Variants in RASGEF1A observed in about 807,000 individuals in gnomAD.
RASGEF1A encodes the protein RasGEF domain family member 1A.
RASGEF1A carries 18 observed loss-of-function variants against 56.4 expected under a neutral mutation model. That is an observed-to-expected ratio of 0.32 (90% CI 0.22 to 0.47). The LOEUF is 0.47. RASGEF1A is among the 20% of genes least tolerant of loss of function. The pLI is 1.00. For missense variants in RASGEF1A, 422 were observed against 627.1 expected (o/e 0.67, Z 3.49); for synonymous variants, 245 against 242.6 (o/e 1.01, Z -0.09).
At chr10:43,203,230 A>C in intron 3 of RASGEF1A, 68 bp downstream of exon 3, 3 of 1,191,942 alleles carry the variant, frequency 2.5e-6, no homozygotes, top group South Asian at 1.4e-5. Context: ...CCATGCCTCC[A>C]GCCCCTAGCC....
chr10:43,200,755 T>G lies in RASGEF1A; in HGVS notation c.593A>C (p.Lys198Thr). ...CTTCTGGGCGGCTGGTGGCTTGGTCTTGAGGATGGGCCCCTTGTCTACAGC... is the reference window on the plus strand; with the variant it reads ...CTTCTGGGCGGCTGGTGGCTTGGTCGTGAGGATGGGCCCCTTGTCTACAGC... ...PPAVDKGPIL[K>T]TKPPAAQKDI... Residue 198 changes from lysine (K) to threonine (T), a missense_variant, in exon 5 of 13, where the codon AAG (lysine) becomes ACG (threonine). Lys to Thr is a moderately conservative substitution (Grantham distance 78). Around this residue, in one of 2 missense-constraint regions of RASGEF1A, gnomAD observed 273 missense variants for 339.9 expected, o/e 0.80. Coordinates refer to ENST00000395810, the MANE Select transcript of RASGEF1A (RefSeq NM_145313.4). 6.2e-7 allele frequency: 1 copy of G among 1,613,924 alleles called. No individual in the cohort carries two copies. Among genetic ancestry groups the G allele is most frequent in the Non-Finnish European group, 8.5e-7 (1 of 1,180,024 alleles).
At chr10:43,230,393 C>A (rs1357804808) in intron 1 of RASGEF1A, among the ~76,000 whole-genome samples, 1 of 152,214 alleles carries the variant, frequency 6.6e-6, no homozygotes, top group Non-Finnish European at 1.5e-5. Flanking sequence ...CCCCCAGAGC[C>A]CCAGCCTCAG....
At chr10:43,261,250 C>T (rs1836522857) in intron 1 of RASGEF1A, among the ~76,000 whole-genome samples, 2 of 152,248 alleles carry the variant, frequency 1.3e-5, no homozygotes, top group Non-Finnish European at 2.9e-5. Context: ...TTGATCTGGC[C>T]CAGGTACCTG....
intron 1 of RASGEF1A, among the ~76,000 whole-genome samples, chr10:43,243,494 G>C (rs1231092066): frequency 6.7e-6 from 1 of 148,690 alleles, no homozygotes; most frequent in Non-Finnish European, 1.5e-5. Flanking sequence ...CACCCCATCT[G>C]GGAAGTGAGG....
chr10:43,195,938 T>C lies in RASGEF1A; in HGVS notation c.*306A>G, dbSNP rs973753375. 1 of 219,104 alleles carries C rather than the reference T, an allele frequency of 4.6e-6. No homozygotes were observed. The highest frequency in any genetic ancestry group is 5.7e-5 in the Admixed American group (1 of 17,586). 13.6% of individuals were successfully genotyped at this position (219,104 alleles called of 1,614,324 possible). On this transcript the variant is annotated 3_prime_UTR_variant, in exon 13 of 13. Transcript: ENST00000395810. The surrounding 1 kb of genome is among the most constrained non-coding windows in gnomAD (Gnocchi z 4.2). ...AAATATTTTTTTCATAAGATGTTAA[T>C]AATCAAAAGTAGAAAATAAAAATCT...
intron 1 of RASGEF1A, among the ~76,000 whole-genome samples, chr10:43,237,444 T>TCCCCCCCCCCCCCCCCCCCCC (rs1840444945): frequency 6.3e-5 from 1 of 15,880 alleles, no homozygotes; most frequent in African/African-American, 2.2e-4. Context: ...CTCCCCCTCC[T>TCCCCCCCCCCCCCCCCCCCCC]CCCCTCCCCT....
At chr10:43,197,154 C>T (rs146128600) in intron 10 of RASGEF1A, 55 bp from the exon 11 acceptor site, 11 of 1,594,692 alleles carry the variant, frequency 6.9e-6, no homozygotes, top group African/African-American at 2.7e-5. Flanking sequence ...ACCAAACCCT[C>T]GGTCAGGGCA....
intron 1 of RASGEF1A, among the ~76,000 whole-genome samples, chr10:43,221,447 C>G (rs1180036802): frequency 6.6e-6 from 1 of 152,212 alleles, no homozygotes; most frequent in Non-Finnish European, 1.5e-5. Flanking sequence ...GATGAAGGAA[C>G]AGAGGCCCAA....
chr10:43,215,634 T>A (rs1369426890), intron 1 of RASGEF1A, among the ~76,000 whole-genome samples: 1 of 152,136 alleles, frequency 6.6e-6, no homozygotes, highest in Admixed American at 6.5e-5. Context: ...GAGGTGGGTG[T>A]TCCCGGAGCC....
intron 1 of RASGEF1A, among the ~76,000 whole-genome samples, chr10:43,242,653 C>A (rs1840515851): frequency 6.6e-6 from 1 of 152,200 alleles, no homozygotes; most frequent in Non-Finnish European, 1.5e-5. Context: ...CTGCCTCGGC[C>A]TGCCAAGTGC....
At chr10:43,199,526 G>T in intron 7 of RASGEF1A, 150 bp downstream of exon 7, 2 of 677,380 alleles carry the variant, frequency 3.0e-6, no homozygotes, top group Non-Finnish European at 5.3e-6. Context: ...CTGTATGTCG[G>T]GGTTGGGGGA....
intron 3 of RASGEF1A, among the ~76,000 whole-genome samples, chr10:43,202,438 G>C (rs912755593): frequency 6.6e-6 from 1 of 152,128 alleles, no homozygotes; most frequent in Non-Finnish European, 1.5e-5. Context: ...CATGGGGACT[G>C]GCCCTCTTGG....
intron 4 of RASGEF1A, 23 bp downstream of exon 4, chr10:43,201,785 G>C: frequency 6.4e-7 from 1 of 1,552,924 alleles, no homozygotes; most frequent in Non-Finnish European, 8.8e-7. Context: ...AAAGACCCTG[G>C]CCAGAGCCCA....
intron 1 of RASGEF1A, among the ~76,000 whole-genome samples, chr10:43,255,449 A>G (rs1483805600): frequency 6.6e-6 from 1 of 152,140 alleles, no homozygotes; most frequent in African/African-American, 2.4e-5. Context: ...GGCTGGGGAC[A>G]GCTGCCCCCA....
intron 1 of RASGEF1A, among the ~76,000 whole-genome samples, chr10:43,218,821 C>T (rs61845677): frequency 9.9e-5 from 15 of 152,256 alleles, no homozygotes; most frequent in Non-Finnish European, 1.8e-4. Flanking sequence ...GCCACAGGCG[C>T]GACGCGGATA....
Position 43,196,167 on chromosome 10 carries a change from C to A in RASGEF1A, c.*77G>T. On this transcript the variant is annotated 3_prime_UTR_variant, in exon 13 of 13. Coordinates refer to ENST00000395810, the MANE Select transcript of RASGEF1A (RefSeq NM_145313.4). This position sits in a 1 kb window ranked among gnomAD's most constrained non-coding sequence, Gnocchi z 4.6. ...TGGACCCCAACCAGTGAGGCCTCCT[C>A]ATCTCAACCCACATCAGTCAAAATT... 7.1e-7 allele frequency: 1 copy of A among 1,415,944 alleles called. No individual in the cohort carries two copies. The highest frequency in any genetic ancestry group is 1.2e-5 in the South Asian group (1 of 81,150). 87.7% of individuals were successfully genotyped at this position (1,415,944 alleles called of 1,614,324 possible).
intron 1 of RASGEF1A, among the ~76,000 whole-genome samples, chr10:43,251,590 G>A (rs560583532): frequency 1.1e-3 from 171 of 152,294 alleles, no homozygotes; most frequent in Admixed American, 3.3e-3. Flanking sequence ...TCAGCCCAGA[G>A]CCCACAGCCC....
intron 1 of RASGEF1A, among the ~76,000 whole-genome samples, chr10:43,225,387 G>C (rs954005142): frequency 6.6e-6 from 1 of 150,602 alleles, no homozygotes; most frequent in African/African-American, 2.5e-5. Flanking sequence ...CTCTGCATGT[G>C]TCTGTGTCTG....
At chr10:43,207,370 C>T in intron 1 of RASGEF1A, 2 of 987,232 alleles carry the variant, frequency 2.0e-6, no homozygotes, top group Non-Finnish European at 2.4e-6. Flanking sequence ...GAGCGGACCA[C>T]CTGCCCACAC....
Sources: allele counts gnomAD v4.1 joint callset (sites outside exome capture counted in the v4.1 genomes callset), GRCh38; gene constraint gnomAD v4.1.1; regional missense constraint gnomAD v4.1.1; non-coding constraint Gnocchi (gnomAD v3.1); transcripts MANE v1.5; gene names NCBI Gene and HGNC (gene_info 2026-07-23, HGNC 2026-07-21).